PRPF18: variants seen among roughly 807,000 people sequenced by gnomAD.
PRPF18 encodes pre-mRNA-splicing factor 18.
PRPF18 carries 38 observed loss-of-function variants against 46.5 expected under a neutral mutation model. The observed-to-expected ratio is 0.82, with a 90% CI of 0.63 to 1.07. PRPF18 has a LOEUF of 1.07. PRPF18 is among the 50% of genes least tolerant of loss of function. PRPF18 has a pLI of 0.00. For missense variants in PRPF18, 263 were observed against 410.0 expected (o/e 0.64, Z 3.10); for synonymous variants, 152 against 146.7 (o/e 1.04, Z -0.26).
At chr10:13,636,905 C>T in the PRPF18 span, 10 of 152,218 alleles carry the variant, frequency 6.6e-5, no homozygotes, top group African/African-American at 2.4e-4. Flanking sequence ...ACACTTTCGT[C>T]ATTCCAAAAA....
the PRPF18 span, chr10:13,653,942 A>G: frequency 5.0e-6 from 1 of 200,294 alleles, no homozygotes; most frequent in Non-Finnish European, 1.0e-5. Flanking sequence ...GTGTTGAGAA[A>G]GAGCAAGTGC....
At chr10:13,651,683 A>T in the PRPF18 span, 1 of 556,970 alleles carries the variant, frequency 1.8e-6, no homozygotes, top group African/African-American at 1.9e-5. Context: ...AAAACAAAAC[A>T]TACTCTGGGG....
At chr10:13,647,098 G>GGCCT in the PRPF18 span, 1 of 245,410 alleles carries the variant, frequency 4.1e-6, no homozygotes, top group East Asian at 1.8e-4. Flanking sequence ...GGTTCAGCCA[G>GGCCT]GCCTGCACTG....
intron 3 of PRPF18, among the ~76,000 whole-genome samples, chr10:13,605,365 C>T (rs1193383112): frequency 6.6e-6 from 1 of 152,004 alleles, no homozygotes; most frequent in Non-Finnish European, 1.5e-5. Context: ...AGGCGGATCA[C>T]AAGGGCAGGA....
At chr10:13,607,203 C>T (rs1233974022) in intron 4 of PRPF18, among the ~76,000 whole-genome samples, 19 of 152,116 alleles carry the variant, frequency 1.2e-4, no homozygotes, top group Admixed American at 1.2e-3. Flanking sequence ...GCAGTCCTCC[C>T]ACCTCAGCCT....
intron 1 of PRPF18, 95 bp downstream of exon 1, chr10:13,587,247 G>T (rs1363411263): frequency 3.0e-6 from 4 of 1,337,546 alleles, no homozygotes; most frequent in Non-Finnish European, 4.3e-6. Flanking sequence ...GAGGATTCGG[G>T]GCGGGGACGG....
At chr10:13,617,623 T>C (rs1022695845) in intron 9 of PRPF18, among the ~76,000 whole-genome samples, 3 of 152,190 alleles carry the variant, frequency 2.0e-5, no homozygotes, top group Non-Finnish European at 4.4e-5. Context: ...TGTTCATCTA[T>C]ATTGTGGCCA....
chr10:13,610,221 C>G, intron 5 of PRPF18, 36 bp downstream of exon 5: 2 of 1,594,558 alleles, frequency 1.3e-6, no homozygotes, highest in Non-Finnish European at 1.7e-6. Flanking sequence ...ATCCCTGGCA[C>G]CCTTCTTTTT....
At chr10:13,647,923 C>T in the PRPF18 span, 1 of 152,116 alleles carries the variant, frequency 6.6e-6, no homozygotes, top group Non-Finnish European at 1.5e-5. Flanking sequence ...TGCAACTGAT[C>T]TCCCCATGGG....
chr10:13,594,866 TCAAA>T (rs2080011716), intron 1 of PRPF18, among the ~76,000 whole-genome samples: 1 of 152,250 alleles, frequency 6.6e-6, no homozygotes, highest in South Asian at 2.1e-4. Flanking sequence ...ATCTGACTAA[TCAAA>T]CAATTGCACA....
downstream of PRPF18, among the ~76,000 whole-genome samples, chr10:13,633,563 C>T (rs907690425): frequency 2.2e-4 from 34 of 152,140 alleles, no homozygotes; most frequent in African/African-American, 8.2e-4. Flanking sequence ...ATGTGCTCAC[C>T]TTTGTACCCC....
At chr10:13,611,786 A>G (rs537149926) in intron 6 of PRPF18, 103 bp downstream of exon 6, 70 of 942,608 alleles carry the variant, frequency 7.4e-5, no homozygotes, top group South Asian at 6.4e-4. Flanking sequence ...GAAAGCCTCA[A>G]TACACATTTC....
At chr10:13,646,821 G>T in the PRPF18 span, 4 of 161,362 alleles carry the variant, frequency 2.5e-5, no homozygotes, top group African/African-American at 9.6e-5. Context: ...GAGAAAAAAA[G>T]TGCTGAGGGC....
At chr10:13,652,114 A>C in the PRPF18 span, 1 of 683,168 alleles carries the variant, frequency 1.5e-6, no homozygotes, top group South Asian at 1.7e-5. Flanking sequence ...GCAACAGATC[A>C]TACAAGTCAT....
In PRPF18 at chr10:13,617,616, TC is replaced by T. The variant is rs200048957; in HGVS notation, c.948+1064del. Among the ~76,000 whole-genome samples the T allele has an allele frequency of 1.1e-3, 165 of 152,342 alleles. 1 individual carries two copies. The highest frequency in any genetic ancestry group is 3.7e-3 in the African/African-American group (153 of 41,576). On this transcript the variant is annotated intron_variant, in intron 9 of 9. Transcript: ENST00000378572. ...CAAAGATTAAATTTGCTAATTGTGT[TC>T]ATCTATATTGTGGCCAAAGGTATAG...
At chr10:13,587,407 C>T (rs1429854993) in intron 1 of PRPF18, among the ~76,000 whole-genome samples, 1 of 152,200 alleles carries the variant, frequency 6.6e-6, no homozygotes, top group East Asian at 1.9e-4. Flanking sequence ...AAAAGGAAAA[C>T]ACCTGGGTCT....
chr10:13,645,755 TAGG>T, the PRPF18 span: 1 of 152,582 alleles, frequency 6.6e-6, no homozygotes, highest in Non-Finnish European at 1.5e-5. Context: ...AAGTGACACA[TAGG>T]AGAAGTCGGA....
At chr10:13,615,801 T>G (rs902643725) in intron 8 of PRPF18, among the ~76,000 whole-genome samples, 3 of 145,752 alleles carry the variant, frequency 2.1e-5, no homozygotes, top group East Asian at 2.1e-4. Context: ...AGGTAGGGGG[T>G]GGGGTGGGGG....
At chr10:13,652,128 G>A in the PRPF18 span, 1 of 658,542 alleles carries the variant, frequency 1.5e-6, no homozygotes, top group Non-Finnish European at 2.8e-6. Flanking sequence ...AAGTCATGCA[G>A]TACTTTCAGT....
Sources: gnomAD v4.1 joint callset for allele counts (sites outside exome capture counted in the v4.1 genomes callset) on GRCh38, gnomAD v4.1.1 for gene constraint, MANE v1.5 for transcripts, NCBI Gene and HGNC (gene_info 2026-07-23, HGNC 2026-07-21) for gene names.